SYK: variants seen among roughly 807,000 people sequenced by gnomAD.
SYK encodes tyrosine-protein kinase SYK.
In SYK, 16 loss-of-function variants were observed where a neutral mutation model predicts 77.8. The observed-to-expected ratio is 0.21, with a 90% confidence interval of 0.14 to 0.31. SYK has a LOEUF of 0.31. Among genes scored for constraint, SYK ranks in the 10% least tolerant of loss-of-function variants. The probability of loss-of-function intolerance (pLI) is 1.00; values close to 1 mark genes in which losing one functional copy is unlikely to be tolerated. For missense variants in SYK, 529 were observed against 814.4 expected, an observed-to-expected ratio of 0.65 and a Z score of 4.26; for synonymous variants, 312 against 308.7, an observed-to-expected ratio of 1.01 and a Z score of -0.11.
At chr9:90,836,070 C>T (rs970467402) in intron 1 of SYK, among the ~76,000 whole-genome samples, 1 of 152,096 alleles carries the variant, frequency 6.6e-6, no homozygotes, top group Non-Finnish European at 1.5e-5. Context: ...GGGCAGATCA[C>T]GAGGTCAGGA....
chr9:90,856,502 C>A (rs1227188049), intron 3 of SYK, among the ~76,000 whole-genome samples: 1 of 152,090 alleles, frequency 6.6e-6, no homozygotes, highest in Admixed American at 6.6e-5. Flanking sequence ...TTCCAGCGCA[C>A]TAATTTTTCC....
intron 1 of SYK, among the ~76,000 whole-genome samples, chr9:90,819,628 C>A (rs1341214943): frequency 1.3e-5 from 2 of 152,086 alleles, no homozygotes; most frequent in African/African-American, 4.8e-5. Flanking sequence ...CCCCATGATT[C>A]AATTACCCCC....
intron 3 of SYK, among the ~76,000 whole-genome samples, chr9:90,853,215 G>A (rs923574618): frequency 6.7e-6 from 1 of 148,838 alleles, no homozygotes; most frequent in Non-Finnish European, 1.5e-5. Flanking sequence ...GCCTGTCTCA[G>A]GTGCCCAGGC....
rs200958837 is a variant in SYK, at chr9:90,862,390, G to A, written c.717+46G>A. 91 of 1,589,486 alleles carry A rather than the reference G, an allele frequency of 5.7e-5. No homozygotes were observed. The East Asian group carries it at 1.2e-3, about 22-fold the overall frequency. ...ACCTTGTGGGTAGAGTACAGGGCACGTGGGGCTCCTTGTCCCATGGACTCT... is the reference window on the plus strand; with the variant it reads ...ACCTTGTGGGTAGAGTACAGGGCACATGGGGCTCCTTGTCCCATGGACTCT... On this transcript the variant is annotated intron_variant, in intron 4 of 13. Coordinates refer to ENST00000375754, the MANE Select transcript of SYK (RefSeq NM_003177.7).
At chr9:90,882,297 GA>G (rs1484158813) in intron 11 of SYK, among the ~76,000 whole-genome samples, 2 of 152,378 alleles carry the variant, frequency 1.3e-5, no homozygotes, top group African/African-American at 4.8e-5. Context: ...GATGGAAACA[GA>G]AGTATAATCA....
chr9:90,810,377 G>T (rs1345090532), intron 1 of SYK, among the ~76,000 whole-genome samples: 1 of 152,194 alleles, frequency 6.6e-6, no homozygotes. Context: ...CACCAGTCAT[G>T]TTGGAGTAGG....
At chr9:90,807,842 T>C (rs1824901089) in intron 1 of SYK, among the ~76,000 whole-genome samples, 1 of 152,208 alleles carries the variant, frequency 6.6e-6, no homozygotes, top group Non-Finnish European at 1.5e-5. Context: ...AGTCCCACTG[T>C]TGGGGAGCAG....
intron 1 of SYK, among the ~76,000 whole-genome samples, chr9:90,821,563 G>C (rs141206811): frequency 6.6e-6 from 1 of 152,142 alleles, no homozygotes; most frequent in African/African-American, 2.4e-5. Flanking sequence ...TTACCTCCCC[G>C]TGGGTCCCTC....
rs1320755700 is a variant in SYK, at chr9:90,843,856, AG to A, written c.-41del. On this transcript the variant is annotated splice_acceptor_variant, in intron 1 of 13. Coordinates refer to ENST00000375754, the MANE Select transcript of SYK (RefSeq NM_003177.7). LOFTEE classifies it low-confidence loss of function (5UTR_SPLICE). ...AAAGTTCTCTGTCTCTGTCTTGCCC[AG>A]GTGGACACCTGCGCAGGTGTGTGCC... is the stretch of plus-strand genomic sequence containing the variant. 6.9e-7 allele frequency: 1 copy of A among 1,439,582 alleles called. No individual in the cohort carries two copies. The highest frequency in any genetic ancestry group is 2.8e-5 in the Admixed American group (1 of 35,476). 89.2% of individuals were successfully genotyped at this position (1,439,582 alleles called of 1,614,324 possible).
intron 1 of SYK, among the ~76,000 whole-genome samples, chr9:90,808,461 GT>G (rs10573213): frequency 0.2 from 27,896 of 142,812 alleles, 2,592 homozygotes; most frequent in Middle Eastern, 0.3. Context: ...GTGTGTGTTG[GT>G]TTTTTTTTTT....
intron 1 of SYK, among the ~76,000 whole-genome samples, chr9:90,834,489 C>T (rs962228575): frequency 3.9e-5 from 6 of 152,252 alleles, no homozygotes; most frequent in African/African-American, 1.4e-4. Context: ...ATTCTCACCT[C>T]TGTGTCCCTG....
intron 11 of SYK, among the ~76,000 whole-genome samples, chr9:90,887,405 CTTTT>C (rs3056951): frequency 1.6e-5 from 2 of 128,940 alleles, no homozygotes; most frequent in Non-Finnish European, 3.2e-5. Context: ...TTCTTTCTTT[CTTTT>C]TTTTTTTTTT....
chr9:90,843,358 C>T (rs975725442), intron 1 of SYK, among the ~76,000 whole-genome samples: 4 of 152,182 alleles, frequency 2.6e-5, no homozygotes, highest in African/African-American at 9.6e-5. Context: ...GGCAGCGTCT[C>T]GCAGCTCAGG....
intron 1 of SYK, among the ~76,000 whole-genome samples, chr9:90,828,977 C>T (rs1450675370): frequency 1.3e-5 from 2 of 152,164 alleles, no homozygotes; most frequent in African/African-American, 4.8e-5. Context: ...GGTTCTCAGA[C>T]ATTAGAGTGC....
chr9:90,811,832 G>A (rs967686986), intron 1 of SYK, among the ~76,000 whole-genome samples: 1 of 151,702 alleles, frequency 6.6e-6, no homozygotes, highest in African/African-American at 2.4e-5. Context: ...GCGCTGAGGT[G>A]GGGGGATCAC....
intron 1 of SYK, among the ~76,000 whole-genome samples, chr9:90,842,109 GT>G: frequency 7.1e-6 from 1 of 141,276 alleles, no homozygotes; most frequent in Non-Finnish European, 1.6e-5. Flanking sequence ...TGTGTAGTGT[GT>G]TGTATGTGGT....
intron 11 of SYK, among the ~76,000 whole-genome samples, chr9:90,885,466 C>A (rs1188219956): frequency 2.0e-5 from 3 of 152,040 alleles, no homozygotes; most frequent in Non-Finnish European, 4.4e-5. Flanking sequence ...TCTTTTGAAA[C>A]AACCTATTCA....
chr9:90,842,147 AGT>A (rs1428697208), intron 1 of SYK, among the ~76,000 whole-genome samples: 2 of 141,986 alleles, frequency 1.4e-5, no homozygotes, highest in Non-Finnish European at 3.1e-5. Flanking sequence ...TTGTGTGTGC[AGT>A]GTGTGTTGTT....
intron 1 of SYK, among the ~76,000 whole-genome samples, chr9:90,825,330 C>G (rs147149391): frequency 0.013 from 1,958 of 152,272 alleles, 140 homozygotes; most frequent in Admixed American, 0.11. Flanking sequence ...CAATCCCAAT[C>G]AAAATCCCAG....
Sources: gnomAD v4.1 joint callset for allele counts (sites outside exome capture counted in the v4.1 genomes callset) on GRCh38, gnomAD v4.1.1 for gene constraint, MANE v1.5 for transcripts, NCBI Gene and HGNC (gene_info 2026-07-23, HGNC 2026-07-21) for gene names.